TPRG1: variants seen among roughly 807,000 people sequenced by gnomAD.
TPRG1 encodes tumor protein p63-regulated gene 1 protein.
In TPRG1, 29 loss-of-function variants were observed where a neutral mutation model predicts 29.3. The ratio of observed to expected loss-of-function variants is 0.99; its 90% CI spans 0.74 to 1.35. TPRG1 has a LOEUF of 1.35. TPRG1 is among the 40% of genes most tolerant of loss of function. The pLI is 0.00. For missense variants in TPRG1, 327 were observed against 335.0 expected, an observed-to-expected ratio of 0.98 and a Z score of 0.19; for synonymous variants, 130 against 116.8, an observed-to-expected ratio of 1.11 and a Z score of -0.73.
At chr3:189,198,578 C>T (rs893647390) in intron 1 of TPRG1, among the ~76,000 whole-genome samples, 26 of 152,214 alleles carry the variant, frequency 1.7e-4, no homozygotes, top group African/African-American at 5.5e-4. Flanking sequence ...CAAATTAAGC[C>T]TTGTCCTTCC....
At position 189,129,149 on chromosome 3, in the gene TPRG1, A is replaced by T. The variant is rs868266904; in HGVS notation, c.-590+1939A>T. Among the ~76,000 whole-genome samples, 6 of 152,316 alleles carry T rather than the reference A, an allele frequency of 3.9e-5. No homozygotes were observed. In the South Asian group the frequency reaches 8.3e-4, roughly 21 times the overall value. On this transcript the variant is annotated intron_variant, in intron 2 of 6. Coordinates refer to the TPRG1 transcript ENST00000412373. ...AATTTTTTCACAAATGTCCTTTCTTATTCCTAGGCTCCAATTCAGAGTCCC... is the reference window on the plus strand; with the variant it reads ...AATTTTTTCACAAATGTCCTTTCTTTTTCCTAGGCTCCAATTCAGAGTCCC...
chr3:189,109,902 T>C (rs559119391), intron 1 of TPRG1, among the ~76,000 whole-genome samples: 1 of 152,288 alleles, frequency 6.6e-6, no homozygotes, highest in Non-Finnish European at 1.5e-5. Context: ...AGAAATTGAA[T>C]CATAAACTAT....
At chr3:189,194,730 G>A (rs527606948) in intron 1 of TPRG1, among the ~76,000 whole-genome samples, 38 of 152,274 alleles carry the variant, frequency 2.5e-4, no homozygotes, top group African/African-American at 9.1e-4. Context: ...TTGAGTCCCA[G>A]GGAATGAGAT....
intron 3 of TPRG1, among the ~76,000 whole-genome samples, chr3:189,225,796 T>G (rs542793232): frequency 6.6e-6 from 1 of 152,278 alleles, no homozygotes; most frequent in Admixed American, 6.5e-5. Flanking sequence ...CAATGGTCTG[T>G]TCAGTAGACA....
intron 1 of TPRG1, among the ~76,000 whole-genome samples, chr3:189,196,845 T>A (rs1411682441): frequency 6.6e-6 from 1 of 152,068 alleles, no homozygotes; most frequent in Non-Finnish European, 1.5e-5. Context: ...AAGGCTGGAG[T>A]TTTTATTTTG....
At chr3:189,045,811 C>T (rs1714939949) in intron 4 of TPRG1, among the ~76,000 whole-genome samples, 2 of 152,220 alleles carry the variant, frequency 1.3e-5, no homozygotes, top group Admixed American at 1.3e-4. Flanking sequence ...AAGCCTGGGG[C>T]TGACTGGTTT....
intron 4 of TPRG1, among the ~76,000 whole-genome samples, chr3:189,239,451 C>G (rs1740151348): frequency 6.6e-6 from 1 of 152,064 alleles, no homozygotes; most frequent in African/African-American, 2.4e-5. Flanking sequence ...CAAACCATGT[C>G]AGTAAATTTG....
In TPRG1 at chr3:189,302,692, C is replaced by T. The variant is rs188045834; in HGVS notation, c.480-7694C>T. ...AGCATCCAGTTTCTTCTCCTTTGTT[C>T]GAAAGTTATTTATTGTCAACTTCAT... is the stretch of plus-strand genomic sequence containing the variant. On this transcript the variant is annotated intron_variant, in intron 4 of 5. Coordinates refer to ENST00000345063, the MANE Select transcript of TPRG1 (RefSeq NM_198485.4). Among the ~76,000 whole-genome samples, 11 of 152,250 alleles carry T rather than the reference C, an allele frequency of 7.2e-5. No homozygotes were observed. In the East Asian group the frequency reaches 1.2e-3, roughly 16 times the overall value.
At chr3:189,023,194 C>A (rs1430319415) in intron 3 of TPRG1, among the ~76,000 whole-genome samples, 1 of 152,234 alleles carries the variant, frequency 6.6e-6, no homozygotes, top group African/African-American at 2.4e-5. Flanking sequence ...TCTTCTGCGT[C>A]GCTCACGCTG....
At chr3:189,194,150 G>T (rs75001679) in intron 1 of TPRG1, among the ~76,000 whole-genome samples, 1 of 151,914 alleles carries the variant, frequency 6.6e-6, no homozygotes, top group Admixed American at 6.6e-5. Flanking sequence ...AGGTGCAATG[G>T]TATGATCTCT....
chr3:189,298,990 T>C (rs1720392567), intron 4 of TPRG1, among the ~76,000 whole-genome samples: 1 of 152,114 alleles, frequency 6.6e-6, no homozygotes, highest in African/African-American at 2.4e-5. Context: ...CCCGTGTATG[T>C]ATTCCAGACC....
At chr3:189,023,301 T>C (rs893650965) in intron 3 of TPRG1, among the ~76,000 whole-genome samples, 5 of 152,234 alleles carry the variant, frequency 3.3e-5, no homozygotes, top group African/African-American at 1.2e-4. Context: ...CTTTAATACT[T>C]GTGATTGCAT....
chr3:189,198,300 C>G (rs1732887994), intron 1 of TPRG1, among the ~76,000 whole-genome samples: 1 of 152,222 alleles, frequency 6.6e-6, no homozygotes, highest in South Asian at 2.1e-4. Flanking sequence ...GCATTCCCCT[C>G]TTCCCACTCA....
chr3:189,294,306 G>A (rs1032644624), intron 4 of TPRG1, among the ~76,000 whole-genome samples: 13 of 152,138 alleles, frequency 8.5e-5, no homozygotes, highest in Admixed American at 3.3e-4. Context: ...GGAAGTGGGG[G>A]AGGAAAAGCC....
intron 4 of TPRG1, among the ~76,000 whole-genome samples, chr3:189,281,089 T>C (rs1446996479): frequency 6.6e-6 from 1 of 152,200 alleles, no homozygotes; most frequent in African/African-American, 2.4e-5. Flanking sequence ...CAAATGCTGT[T>C]AAAATGTCTT....
chr3:189,202,125 C>T (rs1283665351), intron 1 of TPRG1, among the ~76,000 whole-genome samples: 2 of 152,144 alleles, frequency 1.3e-5, no homozygotes, highest in Admixed American at 6.5e-5. Context: ...GGTAGTTATT[C>T]ATCCACTTCT....
At chr3:189,125,242 C>T (rs1335738884) in intron 1 of TPRG1, among the ~76,000 whole-genome samples, 2 of 152,132 alleles carry the variant, frequency 1.3e-5, no homozygotes, top group African/African-American at 2.4e-5. Flanking sequence ...CTTGTTGTTC[C>T]ACAAACAAGA....
chr3:189,182,181 A>G (rs1186109281), intron 1 of TPRG1, among the ~76,000 whole-genome samples: 1 of 152,192 alleles, frequency 6.6e-6, no homozygotes, highest in Non-Finnish European at 1.5e-5. Context: ...GCCAACTACT[A>G]TGGTTAATTT....
At chr3:189,131,630 A>C (rs906632105) in intron 2 of TPRG1, among the ~76,000 whole-genome samples, 3 of 152,220 alleles carry the variant, frequency 2.0e-5, no homozygotes, top group African/African-American at 7.2e-5. Flanking sequence ...GGTGAAGCCA[A>C]AATGCAGATA....
Sources: gnomAD v4.1 joint callset for allele counts (sites outside exome capture counted in the v4.1 genomes callset) on GRCh38, gnomAD v4.1.1 for gene constraint, MANE v1.5 for transcripts, NCBI Gene and HGNC (gene_info 2026-07-23, HGNC 2026-07-21) for gene names.